The following DAPL1 variants were observed in gnomAD, a reference collection of about 807,000 sequenced individuals.
DAPL1 encodes the protein death associated protein like 1, also known as death-associated protein-like 1.
DAPL1 carries 17 observed loss-of-function variants against 12.9 expected under a neutral mutation model. The observed-to-expected ratio is 1.32, with a 90% CI of 0.90 to 1.98. The LOEUF (loss-of-function observed/expected upper bound fraction) is 1.98. DAPL1 is among the 30% of genes most tolerant of loss of function. The probability of loss-of-function intolerance (pLI) is 0.00; values close to 1 mark genes in which losing one functional copy is unlikely to be tolerated. For missense variants in DAPL1, 157 were observed against 125.7 expected (o/e 1.25, Z -1.19); for synonymous variants, 51 against 42.0 (o/e 1.21, Z -0.82).
At position 158,797,637 on chromosome 2, in the gene DAPL1, C is replaced by A. The variant is rs185718355; in HGVS notation, c.58+2207C>A. ...TGAAACTCCATCTCTATTAAAAATA[C>A]AAAAATTAGCCGGGCGTGGGGCATG... On this transcript the variant is annotated intron_variant, in intron 1 of 3. Coordinates refer to ENST00000309950, the MANE Select transcript of DAPL1 (RefSeq NM_001017920.3). Among the ~76,000 whole-genome samples, 289 of 152,102 alleles carry A rather than the reference C, an allele frequency of 1.9e-3. 2 individuals are homozygous for A. Among genetic ancestry groups the A allele is most frequent in the African/African-American group, 6.6e-3 (276 of 41,506 alleles).
chr2:158,808,726 T>C (rs2059214635), intron 3 of DAPL1, among the ~76,000 whole-genome samples: 1 of 152,118 alleles, frequency 6.6e-6, no homozygotes, highest in Admixed American at 6.5e-5. Flanking sequence ...TTATATTCTC[T>C]TGCTCCCGCC....
At position 158,813,267 on chromosome 2, in the gene DAPL1, G is replaced by A. The variant is rs538032726; in HGVS notation, c.208-2438G>A. ...GGAGAATTACTGTTTAATTGGTACC[G>A]AGTCTCAGTTTAGGATGATGAAAAA... On this transcript the variant is annotated intron_variant, in intron 3 of 3. Transcript: ENST00000309950. 3.9e-5 allele frequency among the ~76,000 whole-genome samples: 6 copies of A among 152,250 alleles called. No individual in the cohort carries two copies. In the East Asian group the frequency reaches 9.7e-4, roughly 25 times the overall value.
intron 1 of DAPL1, among the ~76,000 whole-genome samples, chr2:158,802,813 C>G (rs1030899773): frequency 1.3e-5 from 2 of 152,096 alleles, no homozygotes; most frequent in African/African-American, 4.8e-5. Flanking sequence ...ATCCAAGAAC[C>G]TTTTTTTGGA....
chr2:158,808,190 G>T (rs1004214212), intron 3 of DAPL1, among the ~76,000 whole-genome samples: 5 of 152,200 alleles, frequency 3.3e-5, no homozygotes, highest in African/African-American at 1.2e-4. Context: ...AGGAAGACTT[G>T]CTGTTGCAGC....
At position 158,804,286 on chromosome 2, in the gene DAPL1, A is replaced by G; in HGVS notation, c.63A>G (p.Lys21=). ...PRKGGHPPAV[K]AGGMRISKKQ... Reference sequence around the variant, plus strand: ...CTGATTTTTATCTGTTTGTAGTAAAAGCTGGAGGAATGAGAATTTCCAAAA... The same window carrying G: ...CTGATTTTTATCTGTTTGTAGTAAAGGCTGGAGGAATGAGAATTTCCAAAA... Residue 21 remains lysine (K), a synonymous_variant, in exon 2 of 4, where the codon AAA becomes AAG. Transcript: ENST00000309950. 6.2e-7 allele frequency: 1 copy of G among 1,606,446 alleles called. No individual in the cohort carries two copies. The highest frequency in any genetic ancestry group is 1.1e-5 in the South Asian group (1 of 89,778).
chr2:158,812,963 T>A (rs1332132902), intron 3 of DAPL1, among the ~76,000 whole-genome samples: 2 of 151,794 alleles, frequency 1.3e-5, no homozygotes, highest in Non-Finnish European at 2.9e-5. Context: ...AGCCAAAAGA[T>A]GAAGAGATCC....
chr2:158,814,389 G>T (rs1049314793), intron 3 of DAPL1, among the ~76,000 whole-genome samples: 2 of 152,238 alleles, frequency 1.3e-5, no homozygotes, highest in Middle Eastern at 3.4e-3. Context: ...TGTTGGCAGA[G>T]ATAATCCTTG....
intron 1 of DAPL1, among the ~76,000 whole-genome samples, chr2:158,801,163 A>G (rs1029307279): frequency 1.3e-5 from 2 of 152,198 alleles, no homozygotes; most frequent in Admixed American, 6.5e-5. Flanking sequence ...ATCTTTAACT[A>G]AAACAATTTT....
chr2:158,808,749 CT>C (rs1185029545), intron 3 of DAPL1, among the ~76,000 whole-genome samples: 1 of 152,154 alleles, frequency 6.6e-6, no homozygotes, highest in Non-Finnish European at 1.5e-5. Context: ...CTAAACACCA[CT>C]TCCTTAGGGC....
In DAPL1 at chr2:158,804,281, G is replaced by A; in HGVS notation, c.59-1G>A. The A allele has an allele frequency of 6.2e-7, 1 of 1,603,602 alleles. No homozygotes were observed. The highest frequency in any genetic ancestry group is 1.1e-5 in the South Asian group (1 of 89,480). ...CCATGCTGATTTTTATCTGTTTGTA[G>A]TAAAAGCTGGAGGAATGAGAATTTC... On this transcript the variant is annotated splice_acceptor_variant, in intron 1 of 3. Coordinates refer to ENST00000309950, the MANE Select transcript of DAPL1 (RefSeq NM_001017920.3). LOFTEE classifies it high-confidence loss of function.
At chr2:158,797,249 C>T (rs949124622) in intron 1 of DAPL1, among the ~76,000 whole-genome samples, 1 of 152,052 alleles carries the variant, frequency 6.6e-6, no homozygotes, top group African/African-American at 2.4e-5. Context: ...AAACAGGATG[C>T]AATAAATAAC....
intron 1 of DAPL1, among the ~76,000 whole-genome samples, chr2:158,798,221 T>C (rs2059145462): frequency 6.6e-6 from 1 of 152,202 alleles, no homozygotes; most frequent in South Asian, 2.1e-4. Context: ...AAAGAGAATA[T>C]GTTTTCTGAC....
intron 1 of DAPL1, among the ~76,000 whole-genome samples, chr2:158,802,117 C>T (rs1475180293): frequency 2.0e-5 from 3 of 152,166 alleles, no homozygotes; most frequent in South Asian, 2.1e-4. Context: ...GCGTTGTTAA[C>T]AGGGGTATGG....
At chr2:158,809,825 G>T (rs936362308) in intron 3 of DAPL1, among the ~76,000 whole-genome samples, 3 of 152,074 alleles carry the variant, frequency 2.0e-5, no homozygotes, top group Non-Finnish European at 2.9e-5. Flanking sequence ...AACGAACATT[G>T]GTAGAATCCA....
intron 1 of DAPL1, among the ~76,000 whole-genome samples, chr2:158,801,445 A>G (rs998671739): frequency 2.6e-5 from 4 of 152,208 alleles, no homozygotes; most frequent in African/African-American, 4.8e-5. Flanking sequence ...ATTCTTTGGG[A>G]AAAAGCCCAT....
At chr2:158,803,360 A>G (rs1425932464) in intron 1 of DAPL1, among the ~76,000 whole-genome samples, 1 of 152,264 alleles carries the variant, frequency 6.6e-6, no homozygotes, top group African/African-American at 2.4e-5. Flanking sequence ...GCACAGAAAA[A>G]TAGAATACAT....
intron 3 of DAPL1, among the ~76,000 whole-genome samples, chr2:158,814,449 T>A (rs564425042): frequency 1.8e-4 from 28 of 152,272 alleles, no homozygotes; most frequent in Admixed American, 1.4e-3. Context: ...AGAAAAAAAA[T>A]TTAGTACTGA....
intron 3 of DAPL1, among the ~76,000 whole-genome samples, chr2:158,814,423 A>G (rs1028377293): frequency 1.3e-5 from 2 of 152,212 alleles, no homozygotes; most frequent in Non-Finnish European, 2.9e-5. Flanking sequence ...TATAACTTGT[A>G]CCTGCTCATT....
At chr2:158,807,002 T>C (rs1666017062) in intron 2 of DAPL1, 53 bp from the exon 3 acceptor site, 2 of 1,431,546 alleles carry the variant, frequency 1.4e-6, no homozygotes, top group Admixed American at 1.7e-5. Context: ...ATGTGGCCTT[T>C]TCAGTGGGAA....
Sources: allele counts gnomAD v4.1 joint callset (sites outside exome capture counted in the v4.1 genomes callset), GRCh38; gene constraint gnomAD v4.1.1; transcripts MANE v1.5; gene names NCBI Gene and HGNC (gene_info 2026-07-23, HGNC 2026-07-21).